The following SPOCK2 variants were observed in gnomAD, a reference collection of about 807,000 sequenced individuals.
SPOCK2 encodes the protein SPARC (osteonectin), cwcv and kazal like domains proteoglycan 2, also known as testican-2.
SPOCK2 carries 39 observed loss-of-function variants against 60.1 expected under a neutral mutation model. The observed-to-expected ratio is 0.65, with a 90% CI of 0.50 to 0.85. SPOCK2 has a LOEUF of 0.85. Among genes scored for constraint, SPOCK2 ranks in the 40% least tolerant of loss-of-function variants. The pLI is 0.00. For missense variants in SPOCK2, 523 were observed against 567.4 expected (o/e 0.92, Z 0.80); for synonymous variants, 217 against 231.5 (o/e 0.94, Z 0.57).
chr10:72,078,281 C>T (rs546460824), intron 1 of SPOCK2, among the ~76,000 whole-genome samples: 3 of 152,194 alleles, frequency 2.0e-5, no homozygotes, highest in South Asian at 2.1e-4. Context: ...TTTGGGAGGC[C>T]AAGGCGGGCG....
intron 1 of SPOCK2, among the ~76,000 whole-genome samples, chr10:72,078,701 C>T (rs116180558): frequency 0.032 from 4,796 of 152,168 alleles, 245 homozygotes; most frequent in African/African-American, 0.11. Flanking sequence ...TGGCCAAACC[C>T]CAGCACAGCT....
rs1487172673 is a variant in SPOCK2 at position 72,079,559 on chromosome 10, G to A, written c.190-6649C>T. 4.6e-5 allele frequency among the ~76,000 whole-genome samples: 7 copies of A among 152,194 alleles called. 1 individual carries two copies. Among genetic ancestry groups the A allele is most frequent in the African/African-American group, 4.8e-5 (2 of 41,444 alleles). On this transcript the variant is annotated intron_variant, in intron 1 of 10. Transcript: ENST00000373109. ...AGCTGGGGGAGACAGCAGTGAGTGC[G>A]CAGGCCTAGTCAGGCTTAGGGGGCA...
chr10:72,067,818 A>G, intron 6 of SPOCK2, 86 bp from the exon 7 acceptor site: 1 of 1,540,144 alleles, frequency 6.5e-7, no homozygotes. Context: ...CCTACAGGCC[A>G]GGAGGCTGGG....
At chr10:72,076,585 T>A (rs1564549414) in intron 1 of SPOCK2, among the ~76,000 whole-genome samples, 1 of 152,172 alleles carries the variant, frequency 6.6e-6, no homozygotes, top group Non-Finnish European at 1.5e-5. Flanking sequence ...GCTTTTAATT[T>A]AAAAAAATGT....
At position 72,062,990 on chromosome 10, in the gene SPOCK2, G is replaced by T; in HGVS notation, c.1129+35C>A. Reference sequence around the variant, plus strand: ...CCCACGACAAGGGCCCCCAGGCCTGGGCCCCCAGCAGGCCCTGAGCTGCCC... The same window carrying T: ...CCCACGACAAGGGCCCCCAGGCCTGTGCCCCCAGCAGGCCCTGAGCTGCCC... On this transcript the variant is annotated intron_variant, in intron 10 of 10. Transcript: ENST00000373109. The surrounding 1 kb of genome is among the most constrained non-coding windows in gnomAD (Gnocchi z 4.3). 1 of 1,570,050 alleles carries T rather than the reference G, an allele frequency of 6.4e-7. No homozygotes were observed. Among genetic ancestry groups the T allele is most frequent in the Non-Finnish European group, 8.6e-7 (1 of 1,158,954 alleles).
Position 72,066,794 on chromosome 10 carries a change from C to G in SPOCK2, c.928+108G>C, listed in dbSNP as rs927509138. The G allele has an allele frequency of 6.2e-6, 8 of 1,286,586 alleles. No homozygotes were observed. In the Admixed American group the frequency reaches 9.2e-5, roughly 15 times the overall value. 79.7% of individuals were successfully genotyped at this position (1,286,586 alleles called of 1,614,324 possible). A position where few individuals can be genotyped will look rare whatever the true frequency, so the allele number is the denominator to read the frequency against. On this transcript the variant is annotated intron_variant, in intron 8 of 10. Transcript: ENST00000373109. ...TGGGCAAGCTGGGAAAGTGCTGGGC[C>G]TGGGGACGTAGCCAAGAAAGAGCCA...
chr10:72,062,680 T>G lies in SPOCK2; in HGVS notation c.*80A>C. On this transcript the variant is annotated 3_prime_UTR_variant, in exon 11 of 11. Transcript: ENST00000373109. This position sits in a 1 kb window ranked among gnomAD's most constrained non-coding sequence, Gnocchi z 4.3. ...AGCAGGGTCCTTCTGACTGCATTTC[T>G]GGATCCGTTCTCGAAGTTGCCTGCT... The G allele has an allele frequency of 1.3e-6, 2 of 1,529,520 alleles. No individual in the cohort carries two copies. Among genetic ancestry groups the G allele is most frequent in the Non-Finnish European group, 8.7e-7 (1 of 1,147,798 alleles). The allele number at this position is 1,529,520 out of a possible 1,614,324, so 94.7% of individuals were successfully genotyped here. A position where few individuals can be genotyped will look rare whatever the true frequency, so the allele number is the denominator to read the frequency against.
At position 72,066,980 on chromosome 10, in the gene SPOCK2, G is replaced by T; in HGVS notation, c.850C>A (p.Pro284Thr). 6.2e-7 allele frequency: 1 copy of T among 1,614,228 alleles called. No individual in the cohort carries two copies. Among genetic ancestry groups the T allele is most frequent in the East Asian group, 2.2e-5 (1 of 44,882 alleles). ...TAGGTGTCACAGGAGTTGAAGAAGG[G>T]ACGGATGCAGACCTCGTACTTGTCC... ...NLDKYEVCIRPFFNSCDTYKD... is the reference protein window; with the variant it reads ...NLDKYEVCIRTFFNSCDTYKD... The change falls in exon 8 of 11, where the codon CCC (proline) becomes ACC (threonine). Residue 284 changes from proline to threonine, a missense_variant. Coordinates refer to ENST00000373109, the MANE Select transcript of SPOCK2 (RefSeq NM_001244950.2).
At chr10:72,088,093 C>T (rs201523188) in intron 1 of SPOCK2, 47 bp downstream of exon 1, 7 of 1,600,102 alleles carry the variant, frequency 4.4e-6, no homozygotes, top group Non-Finnish European at 8.5e-7. Context: ...GCTCAATCCC[C>T]GAACCCGCAA....
chr10:72,079,515 G>A (rs1279043033), intron 1 of SPOCK2, among the ~76,000 whole-genome samples: 12 of 152,240 alleles, frequency 7.9e-5, no homozygotes, highest in Non-Finnish European at 2.9e-5. Flanking sequence ...TTGCCATGGA[G>A]ACGGTGCCCA....
intron 1 of SPOCK2, among the ~76,000 whole-genome samples, chr10:72,082,624 G>C (rs1483543466): frequency 4.6e-5 from 7 of 152,000 alleles, no homozygotes; most frequent in Non-Finnish European, 1.0e-4. Context: ...GAGGCGGAGG[G>C]GGGTGGATTG....
chr10:72,088,503 C>G lies in SPOCK2; in HGVS notation c.-175G>C. 1 of 703,820 alleles carries G rather than the reference C, an allele frequency of 1.4e-6. No homozygotes were observed. Among genetic ancestry groups the G allele is most frequent in the South Asian group, 2.0e-5 (1 of 49,424 alleles). The allele number at this position is 703,820 out of a possible 1,614,324, so 43.6% of individuals were successfully genotyped here. ...TGAAATGTGACCTGGTTAGGAGATG[C>G]ACTTGTCTGAAAAAGCCCAGCACTG... is the stretch of plus-strand genomic sequence containing the variant. On this transcript the variant is annotated 5_prime_UTR_variant, in exon 1 of 11. Transcript: ENST00000373109.
In SPOCK2 at chr10:72,068,253, G is replaced by T. The variant is rs763573105; in HGVS notation, c.523C>A (p.Arg175=). The T allele has an allele frequency of 5.0e-6, 8 of 1,611,934 alleles. No individual in the cohort carries two copies. The highest frequency in any genetic ancestry group is 6.8e-6 in the Non-Finnish European group (8 of 1,179,380). The change falls in exon 6 of 11, where the codon CGA becomes AGA. Residue 175 remains arginine (R), a synonymous_variant. Transcript: ENST00000373109. ...ACLSSKQLAV[R]CEGPCPCPTE... ...GGGCAGGGGCAGGGGCCCTCGCATC[G>T]CACCGCCAGCTGCTTGCTGCTCAGG...
At chr10:72,073,547 G>C (rs956126714) in intron 1 of SPOCK2, among the ~76,000 whole-genome samples, 3 of 152,192 alleles carry the variant, frequency 2.0e-5, no homozygotes, top group African/African-American at 7.2e-5. Flanking sequence ...GACCCAGAAA[G>C]GGTCCTACGA....
rs41282250 is a variant in SPOCK2 at position 72,068,806 on chromosome 10, G to A, written c.475-505C>T. ...AGCATCTAACAATTCCTCGGCCTTCGCTAAGAACTGCTTCTGCCACAGCTG... is the reference window on the plus strand; with the variant it reads ...AGCATCTAACAATTCCTCGGCCTTCACTAAGAACTGCTTCTGCCACAGCTG... On this transcript the variant is annotated intron_variant, in intron 5 of 10. Transcript: ENST00000373109. The A allele has an allele frequency of 5.5e-3, 846 of 153,818 alleles. 3 individuals carry two copies. Among genetic ancestry groups the A allele is most frequent in the Admixed American group, 7.4e-3 (114 of 15,444 alleles). The allele number at this position is 153,818 out of a possible 1,614,324, so 9.5% of individuals were successfully genotyped here. A position where few individuals can be genotyped will look rare whatever the true frequency, so the allele number is the denominator to read the frequency against.
intron 1 of SPOCK2, among the ~76,000 whole-genome samples, chr10:72,081,824 C>T (rs1053933503): frequency 3.9e-5 from 6 of 152,158 alleles, no homozygotes; most frequent in Admixed American, 2.0e-4. Context: ...ATCAGACCAG[C>T]GCCCCAGCCC....
At chr10:72,072,932 C>G (rs1314080978) in intron 1 of SPOCK2, 22 bp from the exon 2 acceptor site, 2 of 1,554,374 alleles carry the variant, frequency 1.3e-6, no homozygotes, top group Non-Finnish European at 1.7e-6. Flanking sequence ...GGAACAGCAG[C>G]AGGCCATGGA....
In SPOCK2 at chr10:72,072,165, C is replaced by T; in HGVS notation, c.338G>A (p.Ser113Asn). 1 of 1,533,266 alleles carries T rather than the reference C, an allele frequency of 6.5e-7. No individual in the cohort carries two copies. The highest frequency in any genetic ancestry group is 1.4e-5 in the African/African-American group (1 of 72,500). The allele number at this position is 1,533,266 out of a possible 1,614,324, so 95.0% of individuals were successfully genotyped here. Reference protein sequence around the residue: ...AQGYQRAMCISRKKLEHRIKQ... With the variant: ...AQGYQRAMCINRKKLEHRIKQ... The stretch of plus-strand genomic sequence containing the variant: ...TCACCTGTGCTCCAGCTTCTTGCGA[C>T]TGATGCACATGGCCCGCTGGTAGCC... The change falls in exon 4 of 11, where the codon AGT (serine) becomes AAT (asparagine). Residue 113 changes from serine (S) to asparagine (N), a missense_variant. Coordinates refer to ENST00000373109, the MANE Select transcript of SPOCK2 (RefSeq NM_001244950.2).
chr10:72,070,240 G>T, intron 5 of SPOCK2, 72 bp downstream of exon 5: 2 of 1,485,890 alleles, frequency 1.3e-6, no homozygotes, highest in Non-Finnish European at 1.9e-6. Flanking sequence ...GGCCCCAGCT[G>T]GGTCATCCTT....
Sources: allele counts gnomAD v4.1 joint callset (sites outside exome capture counted in the v4.1 genomes callset), GRCh38; gene constraint gnomAD v4.1.1; non-coding constraint Gnocchi (gnomAD v3.1); transcripts MANE v1.5; gene names NCBI Gene and HGNC (gene_info 2026-07-23, HGNC 2026-07-21).